The following MLXIP variants were observed in gnomAD, a reference collection of about 807,000 sequenced individuals.
The protein encoded by MLXIP is MLX-interacting protein.
MLXIP carries 30 observed loss-of-function variants against 87.2 expected under a neutral mutation model. That is an observed-to-expected ratio of 0.34 (90% confidence interval 0.26 to 0.47). The LOEUF is 0.47. Among genes scored for constraint, MLXIP ranks in the 20% least tolerant of loss-of-function variants. The pLI, the probability that MLXIP is intolerant of heterozygous loss-of-function variation, is 1.00. For synonymous variants in MLXIP, 530 were observed against 514.0 expected (o/e 1.03, Z -0.42); for missense variants, 1,002 against 1,240.1 (o/e 0.81, Z 2.88).
At chr12:122,134,129 CAA>C (rs1338319524) in intron 9 of MLXIP, 142 bp downstream of exon 9, 2 of 990,680 alleles carry the variant, frequency 2.0e-6, no homozygotes, top group Non-Finnish European at 2.8e-6. Context: ...TTAAATGAAA[CAA>C]AAGTGTCATG....
At chr12:122,082,418 G>C (rs1407254584) in intron 1 of MLXIP, among the ~76,000 whole-genome samples, 1 of 152,164 alleles carries the variant, frequency 6.6e-6, no homozygotes, top group Admixed American at 6.5e-5. Context: ...TATTCAATGG[G>C]AAAGATAAAA....
chr12:122,107,120 G>A (rs1021919984), intron 1 of MLXIP, among the ~76,000 whole-genome samples: 1 of 152,166 alleles, frequency 6.6e-6, no homozygotes, highest in Non-Finnish European at 1.5e-5. Flanking sequence ...TGACTAAGAG[G>A]CACTTGATAA....
chr12:122,138,863 C>T lies in MLXIP; in HGVS notation c.2433C>T (p.Arg811=), dbSNP rs759941040. Reference sequence around the variant, plus strand: ...CCACGGGAGTCCCCGTTACCCGGCGCCAGTTTGATCACATGAAAGACATGT... The same window carrying T: ...CCACGGGAGTCCCCGTTACCCGGCGTCAGTTTGATCACATGAAAGACATGT... ...LPATGVPVTR[R]QFDHMKDMFD... Residue 811 remains arginine, a synonymous_variant, in exon 15 of 17, where the codon CGC becomes CGT. Transcript: ENST00000319080. 3.1e-6 allele frequency: 5 copies of T among 1,613,942 alleles called. No homozygotes were observed. The East Asian group carries it at 1.1e-4, about 36-fold the overall frequency.
chr12:122,101,341 C>CTT (rs894872392), intron 1 of MLXIP, among the ~76,000 whole-genome samples: 2 of 145,308 alleles, frequency 1.4e-5, no homozygotes, highest in Non-Finnish European at 3.0e-5. Context: ...GCTTTTTTTT[C>CTT]TTTTTTTTTT....
chr12:122,127,370 C>T lies in MLXIP; in HGVS notation c.520+8C>T. 1 of 1,594,832 alleles carries T rather than the reference C, an allele frequency of 6.3e-7. No homozygotes were observed. On this transcript the variant is annotated splice_region_variant and intron_variant, in intron 2 of 16. Transcript: ENST00000319080. ...GGGCCTGGTACATGCAGTGTAAGTG[C>T]CGCCCAGCCTGGGCGCCGGTGGTGG...
At chr12:122,120,110 T>A (rs1377741112) in intron 1 of MLXIP, among the ~76,000 whole-genome samples, 2 of 152,250 alleles carry the variant, frequency 1.3e-5, no homozygotes, top group African/African-American at 4.8e-5. Flanking sequence ...ATACATGGAA[T>A]ATGATTCTGC....
intron 1 of MLXIP, among the ~76,000 whole-genome samples, chr12:122,100,515 A>G (rs1952421026): frequency 6.6e-6 from 1 of 152,126 alleles, no homozygotes; most frequent in South Asian, 2.1e-4. Context: ...ATTTAGAAAC[A>G]TATTTTTGAA....
In MLXIP at chr12:122,121,505, C is replaced by T. The variant is rs191901880; in HGVS notation, c.414-5751C>T. Reference sequence around the variant, plus strand: ...CTGGTCTCGTGACCCTCCTGACCCTCGTGATCTGCCCACCTCGGCCTCCCA... The same window carrying T: ...CTGGTCTCGTGACCCTCCTGACCCTTGTGATCTGCCCACCTCGGCCTCCCA... On this transcript the variant is annotated intron_variant, in intron 1 of 16. Coordinates refer to ENST00000319080, the MANE Select transcript of MLXIP (RefSeq NM_014938.6). Among the ~76,000 whole-genome samples the T allele has an allele frequency of 2.0e-5, 3 of 151,996 alleles. No homozygotes were observed. In the East Asian group the frequency reaches 5.8e-4, roughly 29 times the overall value.
chr12:122,126,738 A>G (rs1336223209), intron 1 of MLXIP, among the ~76,000 whole-genome samples: 3 of 152,026 alleles, frequency 2.0e-5, no homozygotes, highest in Non-Finnish European at 4.4e-5. Context: ...AATGTAGTGA[A>G]CCCCACATGC....
chr12:122,099,454 C>T (rs995206875), intron 1 of MLXIP, among the ~76,000 whole-genome samples: 11 of 152,258 alleles, frequency 7.2e-5, no homozygotes, highest in African/African-American at 2.7e-4. Flanking sequence ...GTGCTGCGCA[C>T]TGGTGGCCCC....
In MLXIP at chr12:122,128,035, C is replaced by A. The variant is rs532934455; in HGVS notation, c.606+67C>A. The stretch of plus-strand genomic sequence containing the variant: ...CCAGCACCTCACCGGGAGTGGCTCA[C>A]CGCGGGCTGGTCCTGTAGGAGAGGC... On this transcript the variant is annotated intron_variant, in intron 3 of 16. Coordinates refer to ENST00000319080, the MANE Select transcript of MLXIP (RefSeq NM_014938.6). 1.2e-4 allele frequency: 161 copies of A among 1,389,236 alleles called. 1 individual carries two copies. Among genetic ancestry groups the A allele is most frequent in the Non-Finnish European group, 1.5e-4 (149 of 986,162 alleles). The allele number at this position is 1,389,236 out of a possible 1,614,324, so 86.1% of individuals were successfully genotyped here. A position where few individuals can be genotyped will look rare whatever the true frequency, so the allele number is the denominator to read the frequency against.
chr12:122,096,020 A>G (rs1952346269), intron 1 of MLXIP, among the ~76,000 whole-genome samples: 2 of 151,878 alleles, frequency 1.3e-5, no homozygotes, highest in South Asian at 2.1e-4. Flanking sequence ...TTGGGCCACC[A>G]CGTATTTTTT....
intron 8 of MLXIP, chr12:122,132,642 C>G (rs903973198): frequency 2.2e-6 from 1 of 450,038 alleles, no homozygotes; most frequent in South Asian, 4.1e-5. Context: ...GCAGCTAGCT[C>G]TGCTCCGACT....
chr12:122,103,107 C>T (rs1382429948), intron 1 of MLXIP, among the ~76,000 whole-genome samples: 1 of 152,136 alleles, frequency 6.6e-6, no homozygotes, highest in Non-Finnish European at 1.5e-5. Context: ...AGGCTCAAGG[C>T]ATTTTCCCGC....
At chr12:122,094,778 GGT>G (rs1304696547) in intron 1 of MLXIP, among the ~76,000 whole-genome samples, 5 of 145,892 alleles carry the variant, frequency 3.4e-5, no homozygotes, top group Non-Finnish European at 7.6e-5. Context: ...CTGTGGTGTT[GGT>G]GTGGGGTGTG....
Position 122,142,519 on chromosome 12 carries a change from C to T in MLXIP, c.*707C>T. The T allele has an allele frequency of 2.8e-6, 1 of 354,264 alleles. No individual in the cohort carries two copies. The highest frequency in any genetic ancestry group is 7.5e-5 in the East Asian group (1 of 13,422). 21.9% of individuals were successfully genotyped at this position (354,264 alleles called of 1,614,324 possible). A position where few individuals can be genotyped will look rare whatever the true frequency, so the allele number is the denominator to read the frequency against. On this transcript the variant is annotated 3_prime_UTR_variant, in exon 17 of 17. Transcript: ENST00000319080. ...CTGAGAGGCCCTGCTGGGCATGTTT[C>T]ATCTGTCCCCTTTTAGCTCCACCTG... is the stretch of plus-strand genomic sequence containing the variant.
At chr12:122,079,641 G>C (rs1294006330) in intron 1 of MLXIP, among the ~76,000 whole-genome samples, 2 of 152,232 alleles carry the variant, frequency 1.3e-5, no homozygotes, top group Non-Finnish European at 2.9e-5. Flanking sequence ...GCAGCGGTCA[G>C]GACCACCTGT....
chr12:122,090,000 C>G (rs1952221919), intron 1 of MLXIP, among the ~76,000 whole-genome samples: 1 of 152,158 alleles, frequency 6.6e-6, no homozygotes, highest in East Asian at 1.9e-4. Context: ...CTCCTTAAGT[C>G]TTGGTGCCCA....
chr12:122,081,213 C>T (rs1293635856), intron 1 of MLXIP, among the ~76,000 whole-genome samples: 1 of 152,110 alleles, frequency 6.6e-6, no homozygotes, highest in Non-Finnish European at 1.5e-5. Flanking sequence ...CTCTCACTTT[C>T]GCTGCTTTTC....
Sources: allele counts gnomAD v4.1 joint callset (sites outside exome capture counted in the v4.1 genomes callset), GRCh38; gene constraint gnomAD v4.1.1; transcripts MANE v1.5; gene names NCBI Gene and HGNC (gene_info 2026-07-23, HGNC 2026-07-21).